CD86: variants seen among roughly 807,000 people sequenced by gnomAD.
CD86 encodes the protein T-lymphocyte activation antigen CD86.
Under a neutral mutation model 32.1 loss-of-function variants are expected in CD86, and 11 were observed. That is an observed-to-expected ratio of 0.34 (90% confidence interval 0.22 to 0.57). CD86 has a LOEUF of 0.57. CD86 is among the 20% of genes least tolerant of loss of function. The pLI, the probability that CD86 is intolerant of heterozygous loss-of-function variation, is 0.86. For synonymous variants in CD86, 137 were observed against 135.3 expected, an observed-to-expected ratio of 1.01 and a Z score of -0.09; for missense variants, 359 against 398.4, an observed-to-expected ratio of 0.90 and a Z score of 0.84.
intron 2 of CD86, among the ~76,000 whole-genome samples, chr3:122,095,717 T>G (rs928146908): frequency 2.0e-5 from 3 of 152,156 alleles, no homozygotes; most frequent in Admixed American, 2.0e-4. Context: ...ATTCACCCCT[T>G]TATGTTAAGC....
At chr3:122,092,277 C>G (rs1388175855) in intron 2 of CD86, 2 of 152,312 alleles carry the variant, frequency 1.3e-5, no homozygotes, top group African/African-American at 4.8e-5. Context: ...ACAACCCTTT[C>G]TAAATCCCCC....
chr3:122,118,542 C>A (rs182381363), intron 6 of CD86, among the ~76,000 whole-genome samples: 4 of 152,184 alleles, frequency 2.6e-5, no homozygotes, highest in African/African-American at 9.7e-5. Context: ...ACTTCTTTAC[C>A]TCATTCTTCA....
At chr3:122,064,550 A>G (rs1283467100) in intron 1 of CD86, among the ~76,000 whole-genome samples, 2 of 152,198 alleles carry the variant, frequency 1.3e-5, no homozygotes, top group African/African-American at 4.8e-5. Flanking sequence ...GTATGTCCAC[A>G]GGCGAGCCCC....
intron 1 of CD86, among the ~76,000 whole-genome samples, chr3:122,062,324 T>C (rs1002619453): frequency 7.2e-5 from 11 of 151,962 alleles, no homozygotes; most frequent in Admixed American, 2.0e-4. Context: ...ATATCAAGAG[T>C]CTTAAAAATG....
intron 5 of CD86, 53 bp downstream of exon 5, chr3:122,109,461 A>G (rs1214799867): frequency 1.2e-5 from 20 of 1,600,800 alleles, no homozygotes; most frequent in Non-Finnish European, 1.6e-5. Flanking sequence ...CTACTTCCCA[A>G]TCGGCTGGCT....
chr3:122,098,598 C>T (rs985644543), intron 2 of CD86, among the ~76,000 whole-genome samples: 1 of 152,120 alleles, frequency 6.6e-6, no homozygotes, highest in African/African-American at 2.4e-5. Flanking sequence ...GGCTTCTGAA[C>T]AGGAGGATTA....
rs1000658798 is a variant in CD86, at chr3:122,106,271, A to G, written c.474A>G (p.Ser158=). The G allele has an allele frequency of 1.9e-6, 3 of 1,613,718 alleles. No individual in the cohort carries two copies. In the Admixed American group the frequency reaches 5.0e-5, roughly 27 times the overall value. ...TENVYINLTC[S]SIHGYPEPKK... is the part of the protein sequence containing the mutation. The stretch of plus-strand genomic sequence containing the variant: ...ATGTGTACATAAATTTGACCTGCTC[A>G]TCTATACACGGTTACCCAGAACCTA... The change falls in exon 4 of 7, where the codon TCA becomes TCG. Residue 158 remains serine (S), a synonymous_variant. Transcript: ENST00000330540.
intron 1 of CD86, among the ~76,000 whole-genome samples, chr3:122,078,529 T>A (rs924237056): frequency 6.6e-6 from 1 of 152,114 alleles, no homozygotes; most frequent in Non-Finnish European, 1.5e-5. Flanking sequence ...CCTTCTCTGG[T>A]CCAGAGACCC....
At chr3:122,088,510 T>C (rs2715279) in intron 1 of CD86, among the ~76,000 whole-genome samples, 18,404 of 152,152 alleles carry the variant, frequency 0.12, 1,199 homozygotes, top group Non-Finnish European at 0.14. Context: ...GCTGTCTCCC[T>C]CCCTTCCAGC....
At chr3:122,103,016 C>G (rs1277820617) in intron 2 of CD86, among the ~76,000 whole-genome samples, 2 of 152,040 alleles carry the variant, frequency 1.3e-5, no homozygotes, top group East Asian at 1.9e-4. Context: ...TATCAGCAAT[C>G]TTTTCACCAT....
rs1450198823 is a variant in CD86, at chr3:122,106,181, C to T, written c.401-17C>T. ...TAAACTTAGATTGATTTTTTTTTATCTCTCTTCTGCTTTCAGCTAACTTCA... is the reference window on the plus strand; with the variant it reads ...TAAACTTAGATTGATTTTTTTTTATTTCTCTTCTGCTTTCAGCTAACTTCA... On this transcript the variant is annotated splice_polypyrimidine_tract_variant and intron_variant, in intron 3 of 6. Transcript: ENST00000330540. The T allele has an allele frequency of 1.4e-5, 22 of 1,546,900 alleles. No individual in the cohort carries two copies. The highest frequency in any genetic ancestry group is 2.0e-4 in the Middle Eastern group (1 of 5,098).
intron 3 of CD86, 87 bp downstream of exon 3, chr3:122,103,934 A>C: frequency 9.3e-7 from 1 of 1,079,282 alleles, no homozygotes; most frequent in Non-Finnish European, 1.4e-6. Context: ...GGGGGACTTG[A>C]GGGGCCCAGG....
At chr3:122,096,831 T>C (rs2072915632) in intron 2 of CD86, among the ~76,000 whole-genome samples, 1 of 152,270 alleles carries the variant, frequency 6.6e-6, no homozygotes, top group Admixed American at 6.5e-5. Context: ...GGCATTACTT[T>C]GTATGGATGT....
intron 1 of CD86, among the ~76,000 whole-genome samples, chr3:122,061,126 G>A (rs1287428770): frequency 6.6e-6 from 1 of 152,090 alleles, no homozygotes; most frequent in African/African-American, 2.4e-5. Flanking sequence ...ATGAACATTT[G>A]GTTAAGTGAA....
chr3:122,112,776 C>A (rs1463575885), intron 5 of CD86, among the ~76,000 whole-genome samples: 1 of 152,098 alleles, frequency 6.6e-6, no homozygotes, highest in Non-Finnish European at 1.5e-5. Context: ...TTGTGTTAAT[C>A]TGAAGACATC....
At chr3:122,111,368 C>T (rs1222960651) in intron 5 of CD86, among the ~76,000 whole-genome samples, 1 of 152,218 alleles carries the variant, frequency 6.6e-6, no homozygotes, top group Non-Finnish European at 1.5e-5. Context: ...AGACGTCCAC[C>T]TCCTATACTC....
intron 1 of CD86, among the ~76,000 whole-genome samples, chr3:122,073,137 T>G (rs1045076311): frequency 3.4e-5 from 5 of 147,048 alleles, no homozygotes; most frequent in Admixed American, 2.0e-4. Context: ...GCTGAGGATG[T>G]GGAGCAACAG....
At chr3:122,109,502 C>G (rs1301586799) in intron 5 of CD86, 94 bp downstream of exon 5, 8 of 1,438,082 alleles carry the variant, frequency 5.6e-6, no homozygotes, top group Non-Finnish European at 7.8e-6. Context: ...TGAGCCTAGA[C>G]TGGCAAAAAG....
At chr3:122,077,821 G>C in intron 1 of CD86, 3 of 985,490 alleles carry the variant, frequency 3.0e-6, no homozygotes, top group Non-Finnish European at 3.6e-6. Flanking sequence ...ACTGTCCCTG[G>C]CTGTGGTGTT....
Sources: allele counts gnomAD v4.1 joint callset (sites outside exome capture counted in the v4.1 genomes callset), GRCh38; gene constraint gnomAD v4.1.1; transcripts MANE v1.5; gene names NCBI Gene and HGNC (gene_info 2026-07-23, HGNC 2026-07-21).